Variants in SLC20A2 observed in about 807,000 individuals in gnomAD.
The protein encoded by SLC20A2 is sodium-dependent phosphate transporter 2.
A neutral mutation model predicts 61.0 loss-of-function variants in SLC20A2; 30 were observed. The ratio of observed to expected loss-of-function variants is 0.49; its 90% CI spans 0.37 to 0.67. SLC20A2 has a LOEUF of 0.67. SLC20A2 is among the 30% of genes least tolerant of loss of function. SLC20A2 has a pLI of 0.00. For missense variants in SLC20A2, 626 were observed against 866.4 expected (o/e 0.72, Z 3.48); for synonymous variants, 351 against 353.3 (o/e 0.99, Z 0.07).
chr8:42,447,859 C>A (rs1325512214), intron 5 of SLC20A2, among the ~76,000 whole-genome samples: 1 of 152,264 alleles, frequency 6.6e-6, no homozygotes, highest in East Asian at 1.9e-4. Flanking sequence ...AGCTCCCATC[C>A]CCCTGACTAC....
At chr8:42,484,867 A>G in intron 1 of SLC20A2, 1 of 379,462 alleles carries the variant, frequency 2.6e-6, no homozygotes, top group Non-Finnish European at 5.2e-6. Context: ...GCTGGTCTAC[A>G]CGCAGCCACT....
intron 1 of SLC20A2, among the ~76,000 whole-genome samples, chr8:42,526,467 A>T (rs1417718050): frequency 6.6e-6 from 1 of 151,934 alleles, no homozygotes; most frequent in Non-Finnish European, 1.5e-5. Context: ...AGGTCAGGAG[A>T]TCGAGACCCT....
chr8:42,420,782 T>C (rs1802987682), intron 10 of SLC20A2, among the ~76,000 whole-genome samples: 2 of 152,224 alleles, frequency 1.3e-5, no homozygotes, highest in African/African-American at 4.8e-5. Flanking sequence ...CACATTGTTT[T>C]GCAAACCATC....
chr8:42,509,906 A>T (rs74509114), intron 1 of SLC20A2, among the ~76,000 whole-genome samples: 2,440 of 152,374 alleles, frequency 0.016, 59 homozygotes, highest in African/African-American at 0.055. Flanking sequence ...AGGCTTATTA[A>T]GTGCAACCTT....
intron 1 of SLC20A2, among the ~76,000 whole-genome samples, chr8:42,512,414 G>A (rs1563538824): frequency 6.6e-6 from 1 of 150,840 alleles, no homozygotes; most frequent in Admixed American, 6.6e-5. Flanking sequence ...GCAGTGGCGT[G>A]ATCTCAGCTC....
chr8:42,438,579 C>T (rs1371330868), intron 7 of SLC20A2, among the ~76,000 whole-genome samples: 2 of 152,198 alleles, frequency 1.3e-5, no homozygotes, highest in African/African-American at 4.8e-5. Context: ...GAGACTGCAC[C>T]TGTGGTAGGC....
At position 42,444,674 on chromosome 8, in the gene SLC20A2, C is replaced by T. The variant is rs759186236; in HGVS notation, c.702G>A (p.Val234=). ...LLFAFFVWLF[V]CPWMRRKITG... ...TTATTTTCCTCCGCATCCACGGACA[C>T]ACGAAGAGCCACACAAAAAAAGCGA... Residue 234 remains valine (V), a synonymous_variant, in exon 6 of 11, where the codon GTG becomes GTA. Coordinates refer to ENST00000520262, the MANE Select transcript of SLC20A2 (RefSeq NM_001257180.2). 1 of 1,613,828 alleles carries T rather than the reference C, an allele frequency of 6.2e-7. No homozygotes were observed. Among genetic ancestry groups the T allele is most frequent in the Admixed American group, 1.7e-5 (1 of 60,002 alleles).
At chr8:42,436,142 G>A (rs1804233404) in intron 8 of SLC20A2, among the ~76,000 whole-genome samples, 1 of 151,656 alleles carries the variant, frequency 6.6e-6, no homozygotes, top group Non-Finnish European at 1.5e-5. Context: ...TCACCTCCTA[G>A]GAAGTTCTCC....
rs964790973 is a variant in SLC20A2 at position 42,428,902 on chromosome 8, C to T, written c.1710-60G>A. ...CTCTGTATCAGCCTCCCTGACACCC[C>T]GTGGGTGCTAGAGGCTCACCAGAAC... is the stretch of plus-strand genomic sequence containing the variant. On this transcript the variant is annotated intron_variant, in intron 9 of 10. Transcript: ENST00000520262. The T allele has an allele frequency of 2.5e-5, 35 of 1,396,758 alleles. No homozygotes were observed. The East Asian group carries it at 5.6e-4, about 22-fold the overall frequency. 86.5% of individuals were successfully genotyped at this position (1,396,758 alleles called of 1,614,324 possible).
At chr8:42,439,732 A>G (rs1473757091) in intron 6 of SLC20A2, 79 bp from the exon 7 acceptor site, 1 of 1,091,538 alleles carries the variant, frequency 9.2e-7, no homozygotes, top group South Asian at 1.3e-5. Context: ...AAGTGAATCT[A>G]TATCTTTATG....
chr8:42,506,695 G>A (rs537362997), intron 1 of SLC20A2, among the ~76,000 whole-genome samples: 2 of 152,286 alleles, frequency 1.3e-5, no homozygotes, highest in East Asian at 1.9e-4. Flanking sequence ...AATTTTCTCC[G>A]TGATATGGTC....
At chr8:42,448,464 A>C (rs765245799) in intron 5 of SLC20A2, among the ~76,000 whole-genome samples, 2 of 152,180 alleles carry the variant, frequency 1.3e-5, no homozygotes, top group Non-Finnish European at 2.9e-5. Flanking sequence ...GCAGGGTCAC[A>C]TGGGGTCCCA....
intron 5 of SLC20A2, among the ~76,000 whole-genome samples, chr8:42,451,728 AGAG>A (rs1391327440): frequency 1.1e-5 from 1 of 90,394 alleles, no homozygotes; most frequent in African/African-American, 4.3e-5. Context: ...AAGAGATGAA[AGAG>A]GAGGAGGAAA....
chr8:42,482,487 C>T (rs1045514144), intron 1 of SLC20A2, among the ~76,000 whole-genome samples: 3 of 152,064 alleles, frequency 2.0e-5, no homozygotes, highest in East Asian at 3.9e-4. Flanking sequence ...TTAGGCTGGG[C>T]GAGGTGGTTC....
intron 10 of SLC20A2, among the ~76,000 whole-genome samples, chr8:42,428,474 C>T (rs918321202): frequency 1.3e-5 from 2 of 152,258 alleles, no homozygotes; most frequent in Admixed American, 6.5e-5. Flanking sequence ...AATCAAACTC[C>T]ACTGTGGAAA....
chr8:42,452,501 TGAA>T (rs1805815527), intron 5 of SLC20A2, among the ~76,000 whole-genome samples: 1 of 97,210 alleles, frequency 1.0e-5, no homozygotes, highest in Non-Finnish European at 2.1e-5. Context: ...TAGGAAGAGA[TGAA>T]GAGGAGGAGG....
At chr8:42,504,582 G>A (rs904414138), upstream of SLC20A2, among the ~76,000 whole-genome samples, 3 of 151,898 alleles carry the variant, frequency 2.0e-5, no homozygotes, top group East Asian at 3.9e-4. Context: ...GGTGGCTCAC[G>A]CCTGTAATCC....
chr8:42,480,711 G>A (rs1423636199), intron 1 of SLC20A2, among the ~76,000 whole-genome samples: 2 of 152,172 alleles, frequency 1.3e-5, no homozygotes, highest in Non-Finnish European at 2.9e-5. Context: ...CTAGGCTGGA[G>A]TGCGGTGGCA....
intron 5 of SLC20A2, among the ~76,000 whole-genome samples, chr8:42,459,259 AC>A (rs1199236586): frequency 2.0e-4 from 30 of 148,164 alleles, no homozygotes; most frequent in Non-Finnish European, 2.4e-4. Flanking sequence ...AAAAAAAAAA[AC>A]ATAAAAAATA....
Sources: allele counts gnomAD v4.1 joint callset (sites outside exome capture counted in the v4.1 genomes callset), GRCh38; gene constraint gnomAD v4.1.1; transcripts MANE v1.5; gene names NCBI Gene and HGNC (gene_info 2026-07-23, HGNC 2026-07-21).